The following ADA2 variants were observed in gnomAD, a reference collection of about 807,000 sequenced individuals.
ADA2 encodes the protein adenosine deaminase 2.
ADA2 carries 29 observed loss-of-function variants against 44.2 expected under a neutral mutation model. The ratio of observed to expected loss-of-function variants is 0.66; its 90% CI spans 0.49 to 0.89. ADA2 has a LOEUF of 0.89. Ranked by LOEUF, ADA2 falls within the 40% of genes least tolerant of loss-of-function variation. ADA2 has a pLI of 0.00. For synonymous variants in ADA2, 215 were observed against 234.9 expected (o/e 0.92, Z 0.77); for missense variants, 637 against 644.8 (o/e 0.99, Z 0.13).
intron 7 of ADA2, among the ~76,000 whole-genome samples, chr22:17,183,849 C>T (rs2062003119): frequency 6.6e-6 from 1 of 151,412 alleles, no homozygotes; most frequent in African/African-American, 2.4e-5. Context: ...TATGTGCTCA[C>T]TTTAATTTAT....
intron 1 of ADA2, among the ~76,000 whole-genome samples, chr22:17,218,974 C>T (rs1170413641): frequency 4.6e-5 from 7 of 152,098 alleles, no homozygotes; most frequent in Non-Finnish European, 7.4e-5. Flanking sequence ...CTGGCCAACA[C>T]GGTGAAACCC....
At position 17,181,989 on chromosome 22, in the gene ADA2, G is replaced by C; in HGVS notation, c.1273C>G (p.Pro425Ala). The C allele has an allele frequency of 1.2e-6, 2 of 1,614,074 alleles. No individual in the cohort carries two copies. The highest frequency in any genetic ancestry group is 2.7e-5 in the African/African-American group (2 of 75,044). ...CCAGTGGCCATCAGAGTGGCTACAG[G>C]GTGGTTCCTCAAGTCAGACACCAGT... ...LKLVSDLRNH[P>A]VATLMATGHP... The change falls in exon 9 of 10, where the codon CCT becomes GCT. Residue 425 changes from proline to alanine, a missense_variant. Pro to Ala is a conservative substitution (Grantham distance 27). Coordinates refer to ENST00000399837, the MANE Select transcript of ADA2 (RefSeq NM_001282225.2).
At chr22:17,191,606 C>T in intron 5 of ADA2, 77 bp downstream of exon 5, 1 of 1,522,606 alleles carries the variant, frequency 6.6e-7, no homozygotes. Flanking sequence ...CGCTTCTCAC[C>T]CCTCCCCTCC....
intron 4 of ADA2, chr22:17,199,833 C>A (rs569407708): frequency 8.4e-7 from 1 of 1,195,908 alleles, no homozygotes; most frequent in African/African-American, 1.5e-5. Flanking sequence ...AATCCTAGTA[C>A]TTTGGGAGGC....
intron 2 of ADA2, 34 bp downstream of exon 2, chr22:17,209,322 C>T (rs1171621548): frequency 6.3e-7 from 1 of 1,577,272 alleles, no homozygotes; most frequent in South Asian, 1.2e-5. Flanking sequence ...CTCTACCTTC[C>T]CAGCACCCCA....
chr22:17,200,249 C>A (rs2062261589), intron 4 of ADA2, among the ~76,000 whole-genome samples: 1 of 152,148 alleles, frequency 6.6e-6, no homozygotes, highest in East Asian at 1.9e-4. Context: ...TTTCTTCCAG[C>A]CTACCTAGGC....
intron 4 of ADA2, among the ~76,000 whole-genome samples, chr22:17,195,396 G>A (rs770144412): frequency 2.6e-5 from 4 of 152,066 alleles, no homozygotes; most frequent in Non-Finnish European, 4.4e-5. Context: ...GGGCGTGGTG[G>A]TGGGCGCCTG....
At chr22:17,221,292 TG>T (rs1267509330), upstream of ADA2, among the ~76,000 whole-genome samples, 3 of 122,984 alleles carry the variant, frequency 2.4e-5, no homozygotes, top group East Asian at 4.8e-4. Context: ...GGGTTTTTTG[TG>T]GGTTTTTTTT....
In ADA2 at chr22:17,181,394, A is replaced by G. The variant is rs2061966498; in HGVS notation, c.*89T>C. The stretch of plus-strand genomic sequence containing the variant: ...GCTCCATACAGAGGCCATTGATTTC[A>G]TGGGCACATGGAGCTGATTCAAGAA... On this transcript the variant is annotated 3_prime_UTR_variant, in exon 10 of 10. Coordinates refer to ENST00000399837, the MANE Select transcript of ADA2 (RefSeq NM_001282225.2). 1 of 901,324 alleles carries G rather than the reference A, an allele frequency of 1.1e-6. No individual in the cohort carries two copies. Among genetic ancestry groups the G allele is most frequent in the Admixed American group, 1.7e-5 (1 of 58,232 alleles). The allele number at this position is 901,324 out of a possible 1,614,324, so 55.8% of individuals were successfully genotyped here.
At chr22:17,217,850 C>T (rs117225950) in intron 1 of ADA2, among the ~76,000 whole-genome samples, 2 of 152,160 alleles carry the variant, frequency 1.3e-5, no homozygotes, top group East Asian at 1.9e-4. Context: ...GAAAATAAAA[C>T]GATTGTTTCT....
intron 4 of ADA2, among the ~76,000 whole-genome samples, chr22:17,202,107 T>C (rs1169401495): frequency 3.3e-5 from 5 of 149,296 alleles, no homozygotes; most frequent in Non-Finnish European, 7.4e-5. Context: ...GAGTAGCTGA[T>C]TACAGGTGCG....
chr22:17,207,329 A>G, intron 2 of ADA2, 39 bp from the exon 3 acceptor site: 2 of 1,478,054 alleles, frequency 1.4e-6, no homozygotes, highest in Non-Finnish European at 1.9e-6. Context: ...AAAGGGGTGA[A>G]GTCCCATCCC....
intron 5 of ADA2, among the ~76,000 whole-genome samples, chr22:17,190,524 C>T (rs1399981918): frequency 1.3e-5 from 2 of 152,236 alleles, no homozygotes; most frequent in Non-Finnish European, 2.9e-5. Flanking sequence ...ATCCTGGGTA[C>T]TGCAGAACCC....
rs1601433341 is a variant in ADA2 at position 17,189,966 on chromosome 22, G to A, written c.948C>T (p.Pro316=). The A allele has an allele frequency of 6.2e-7, 1 of 1,613,696 alleles. No individual in the cohort carries two copies. The highest frequency in any genetic ancestry group is 8.5e-7 in the Non-Finnish European group (1 of 1,179,584). Reference sequence around the variant, plus strand: ...CCAGGTCAAACCCTGCCACCACCGTGGGGAACTTGATTCGGAGCCCCATGG... The same window carrying A: ...CCAGGTCAAACCCTGCCACCACCGTAGGGAACTTGATTCGGAGCCCCATGG... The part of the protein sequence containing the change: ...RMAMGLRIKF[P]TVVAGFDLVG... The change falls in exon 6 of 10, where the codon CCC becomes CCT. Residue 316 remains proline (P), a synonymous_variant. Transcript: ENST00000399837.
At position 17,181,232 on chromosome 22, in the gene ADA2, G is replaced by C. The variant is rs1053937339; in HGVS notation, c.*251C>G. ...AACAGCACAGAGATCAGAGAGAGGA[G>C]AAGACTCTGAAATAGGGAAACTGGA... On this transcript the variant is annotated 3_prime_UTR_variant, in exon 10 of 10. Transcript: ENST00000399837. 38 of 460,940 alleles carry C rather than the reference G, an allele frequency of 8.2e-5. No homozygotes were observed. The highest frequency in any genetic ancestry group is 2.0e-5 in the Non-Finnish European group (5 of 252,452). The allele number at this position is 460,940 out of a possible 1,614,324, so 28.6% of individuals were successfully genotyped here. A position where few individuals can be genotyped will look rare whatever the true frequency, so the allele number is the denominator to read the frequency against.
Position 17,182,028 on chromosome 22 carries a change from C to T in ADA2, c.1240-6G>A, listed in dbSNP as rs781688965. ...TCAGACACCAGTTTCAGCACCTGCG[C>T]AATAGGAGGGAAGGGAGAAAGATGA... On this transcript the variant is annotated splice_polypyrimidine_tract_variant and splice_region_variant and intron_variant, in intron 8 of 9. Coordinates refer to ENST00000399837, the MANE Select transcript of ADA2 (RefSeq NM_001282225.2). The T allele has an allele frequency of 6.2e-5, 99 of 1,609,112 alleles. No individual in the cohort carries two copies. Among genetic ancestry groups the T allele is most frequent in the Non-Finnish European group, 8.1e-5 (95 of 1,176,410 alleles).
At chr22:17,212,738 A>T (rs79790195) in intron 1 of ADA2, among the ~76,000 whole-genome samples, 5,238 of 152,024 alleles carry the variant, frequency 0.034, 145 homozygotes, top group East Asian at 0.082. Flanking sequence ...TACGTATACG[A>T]ATAAATGCCC....
chr22:17,184,983 A>AATATATAT (rs374170344), intron 7 of ADA2, among the ~76,000 whole-genome samples: 1,178 of 78,698 alleles, frequency 0.015, 139 homozygotes, highest in African/African-American at 0.05. Flanking sequence ...CCCATGTCAA[A>AATATATAT]ATATATATAT....
chr22:17,210,835 A>G (rs2062411275), intron 1 of ADA2, among the ~76,000 whole-genome samples: 1 of 150,200 alleles, frequency 6.7e-6, no homozygotes, highest in African/African-American at 2.4e-5. Flanking sequence ...TGATCCACTC[A>G]TCTCAGCCTC....
Sources: gnomAD v4.1 joint callset for allele counts (sites outside exome capture counted in the v4.1 genomes callset) on GRCh38, gnomAD v4.1.1 for gene constraint, MANE v1.5 for transcripts, NCBI Gene and HGNC (gene_info 2026-07-23, HGNC 2026-07-21) for gene names.